JAZF1: variants seen among roughly 807,000 people sequenced by gnomAD.
JAZF1 encodes the protein juxtaposed with another zinc finger protein 1.
A neutral mutation model predicts 26.4 loss-of-function variants in JAZF1; 8 were observed. The ratio of observed to expected loss-of-function variants is 0.30; its 90% CI spans 0.18 to 0.55. The LOEUF (loss-of-function observed/expected upper bound fraction) is 0.55, where lower values mean the gene tolerates loss of function less well. JAZF1 is among the 20% of genes least tolerant of loss of function. The probability of loss-of-function intolerance (pLI) is 0.94; values close to 1 mark genes in which losing one functional copy is unlikely to be tolerated. For missense variants in JAZF1, 199 were observed against 322.0 expected, an observed-to-expected ratio of 0.62 and a Z score of 2.92; for synonymous variants, 126 against 122.3, an observed-to-expected ratio of 1.03 and a Z score of -0.20.
chr7:27,937,366 G>GAC (rs2128351364), intron 2 of JAZF1, among the ~76,000 whole-genome samples: 1 of 152,278 alleles, frequency 6.6e-6, no homozygotes, highest in East Asian at 1.9e-4. Context: ...GGAAAATGGT[G>GAC]ACCAGTATGA....
intron 1 of JAZF1, among the ~76,000 whole-genome samples, chr7:28,053,640 T>C (rs1783651656): frequency 1.3e-5 from 2 of 152,220 alleles, no homozygotes; most frequent in African/African-American, 2.4e-5. Context: ...TGGCAAAAAG[T>C]ATCCCAAAGA....
At chr7:27,968,474 G>A (rs1311617487) in intron 2 of JAZF1, among the ~76,000 whole-genome samples, 1 of 152,006 alleles carries the variant, frequency 6.6e-6, no homozygotes, top group African/African-American at 2.4e-5. Flanking sequence ...GAAATTGCAG[G>A]GCTTACCACA....
chr7:28,067,504 C>T (rs1783903359), intron 1 of JAZF1, among the ~76,000 whole-genome samples: 2 of 152,312 alleles, frequency 1.3e-5, no homozygotes, highest in South Asian at 4.1e-4. Flanking sequence ...AGGCTTCAGC[C>T]AGAGCCTCAT....
At chr7:27,860,793 T>C (rs1326719937) in intron 3 of JAZF1, among the ~76,000 whole-genome samples, 3 of 152,166 alleles carry the variant, frequency 2.0e-5, no homozygotes, top group Non-Finnish European at 2.9e-5. Context: ...TCAGATGGAC[T>C]GTAAGCCTCC....
chr7:28,136,185 T>C (rs1367922264), intron 1 of JAZF1, among the ~76,000 whole-genome samples: 1 of 152,174 alleles, frequency 6.6e-6, no homozygotes, highest in Admixed American at 6.5e-5. Flanking sequence ...ACGTTGGGTA[T>C]TTATTATCTC....
At chr7:28,012,175 C>T (rs1314257942) in intron 1 of JAZF1, among the ~76,000 whole-genome samples, 1 of 152,132 alleles carries the variant, frequency 6.6e-6, no homozygotes, top group Admixed American at 6.5e-5. Context: ...ACTACTTGGT[C>T]AGCTAAATCA....
chr7:27,901,090 A>G (rs1331526043), intron 2 of JAZF1, among the ~76,000 whole-genome samples: 3 of 152,162 alleles, frequency 2.0e-5, no homozygotes, highest in Non-Finnish European at 4.4e-5. Context: ...TTCTTAAAGA[A>G]AAAAAGTCAC....
intron 1 of JAZF1, among the ~76,000 whole-genome samples, chr7:28,108,395 C>T (rs1784587425): frequency 6.6e-6 from 1 of 152,172 alleles, no homozygotes; most frequent in African/African-American, 2.4e-5. Flanking sequence ...ATTTTGGTGG[C>T]AGGATAGCCC....
intron 3 of JAZF1, among the ~76,000 whole-genome samples, chr7:27,890,204 T>C (rs2128341142): frequency 6.6e-6 from 1 of 152,334 alleles, no homozygotes; most frequent in South Asian, 2.1e-4. Context: ...TCCTGATATG[T>C]AGCATTTGCC....
rs1311046972 is a variant in JAZF1, at chr7:27,840,591, T to TC, written c.555+106dup. ...CTCTAATGCAGGAGAGGGGAGTGTCTCCCCCCAGCCCATACGCTCGCTTTA... is the reference window on the plus strand; with the variant it reads ...CTCTAATGCAGGAGAGGGGAGTGTCTCCCCCCCAGCCCATACGCTCGCTTTA... On this transcript the variant is annotated intron_variant, in intron 4 of 4. Coordinates refer to ENST00000283928, the MANE Select transcript of JAZF1 (RefSeq NM_175061.4). The surrounding 1 kb of genome is among the most constrained non-coding windows in gnomAD (Gnocchi z 5.1). 6.2e-5 allele frequency: 72 copies of TC among 1,153,928 alleles called. No homozygotes were observed. The Middle Eastern group carries it at 6.5e-4, about 10-fold the overall frequency. The allele number at this position is 1,153,928 out of a possible 1,614,324, so 71.5% of individuals were successfully genotyped here. A position where few individuals can be genotyped will look rare whatever the true frequency, so the allele number is the denominator to read the frequency against.
At chr7:27,962,759 C>G (rs930963676) in intron 2 of JAZF1, among the ~76,000 whole-genome samples, 1 of 152,130 alleles carries the variant, frequency 6.6e-6, no homozygotes, top group South Asian at 2.1e-4. Flanking sequence ...ATTAAAATCA[C>G]GTCTAATCAG....
At chr7:28,101,861 C>T (rs945990015) in intron 1 of JAZF1, among the ~76,000 whole-genome samples, 18 of 152,084 alleles carry the variant, frequency 1.2e-4, no homozygotes, top group Admixed American at 2.6e-4. Flanking sequence ...AACTGCTTGA[C>T]GGAAATGCCA....
intron 1 of JAZF1, among the ~76,000 whole-genome samples, chr7:27,996,069 C>T (rs1421396891): frequency 1.3e-5 from 2 of 152,164 alleles, no homozygotes; most frequent in Non-Finnish European, 2.9e-5. Flanking sequence ...ATCAGGATTG[C>T]CACGGTTCTG....
intron 1 of JAZF1, among the ~76,000 whole-genome samples, chr7:28,096,380 CAT>C (rs1369738005): frequency 1.3e-5 from 2 of 152,228 alleles, no homozygotes; most frequent in African/African-American, 4.8e-5. Context: ...TTGACTGGAC[CAT>C]ATATGTCGGA....
Position 27,830,818 on chromosome 7 carries a change from T to G in JAZF1, c.*1982A>C, listed in dbSNP as rs1782672116. 4.8e-6 allele frequency: 1 copy of G among 206,398 alleles called. No homozygotes were observed. 12.8% of individuals were successfully genotyped at this position (206,398 alleles called of 1,614,324 possible). A position where few individuals can be genotyped will look rare whatever the true frequency, so the allele number is the denominator to read the frequency against. On this transcript the variant is annotated 3_prime_UTR_variant, in exon 5 of 5. Coordinates refer to ENST00000283928, the MANE Select transcript of JAZF1 (RefSeq NM_175061.4). ...AACAAAATATTCCCATCCTTACCTG[T>G]TTAGTAATACTGTCACAATGAATAA...
At chr7:28,166,055 C>T (rs1783362879) in intron 1 of JAZF1, among the ~76,000 whole-genome samples, 1 of 151,798 alleles carries the variant, frequency 6.6e-6, no homozygotes, top group Admixed American at 6.6e-5. Context: ...CAAAATCTTT[C>T]AAGAAATAGA....
chr7:27,961,236 T>G (rs1785181109), intron 2 of JAZF1, among the ~76,000 whole-genome samples: 1 of 152,196 alleles, frequency 6.6e-6, no homozygotes, highest in Non-Finnish European at 1.5e-5. Context: ...AAGTAACTTG[T>G]CAAAGGCCAC....
chr7:27,918,075 G>T (rs894791215), intron 2 of JAZF1, among the ~76,000 whole-genome samples: 1 of 152,162 alleles, frequency 6.6e-6, no homozygotes, highest in African/African-American at 2.4e-5. Flanking sequence ...TATCAGACTA[G>T]GTTCCTGAGT....
chr7:28,061,219 T>TTATTAC (rs147983585), intron 1 of JAZF1, among the ~76,000 whole-genome samples: 4,987 of 152,264 alleles, frequency 0.033, 269 homozygotes, highest in African/African-American at 0.11. Context: ...CAAGGCATTA[T>TTATTAC]TATTACTATT....
Sources: allele counts gnomAD v4.1 joint callset (sites outside exome capture counted in the v4.1 genomes callset), GRCh38; gene constraint gnomAD v4.1.1; non-coding constraint Gnocchi (gnomAD v3.1); transcripts MANE v1.5; gene names NCBI Gene and HGNC (gene_info 2026-07-23, HGNC 2026-07-21).